Variants in EIF3A observed in about 807,000 individuals in gnomAD.
EIF3A encodes the protein eukaryotic translation initiation factor 3 subunit A.
Under a neutral mutation model 186.6 loss-of-function variants are expected in EIF3A, and 21 were observed. The observed-to-expected ratio is 0.11, with a 90% CI of 0.08 to 0.16. The LOEUF is 0.16. Among genes scored for constraint, EIF3A ranks in the 10% least tolerant of loss-of-function variants. The pLI, the probability that EIF3A is intolerant of heterozygous loss-of-function variation, is 1.00. For synonymous variants in EIF3A, 563 were observed against 584.3 expected (o/e 0.96, Z 0.52); for missense variants, 1,306 against 1,796.3 (o/e 0.73, Z 4.93).
chr10:119,049,461 T>C (rs1848325757), intron 17 of EIF3A, among the ~76,000 whole-genome samples: 1 of 126,644 alleles, frequency 7.9e-6, no homozygotes, highest in African/African-American at 3.1e-5. Flanking sequence ...ACCACTGCAC[T>C]CCAGCCTGGG....
intron 7 of EIF3A, among the ~76,000 whole-genome samples, chr10:119,064,541 GCTC>G (rs537351019): frequency 3.3e-5 from 5 of 152,204 alleles, no homozygotes; most frequent in South Asian, 2.1e-4. Flanking sequence ...TCTTCCTCCT[GCTC>G]CAGCCGTATA....
At chr10:119,057,496 C>T (rs1843800160) in intron 12 of EIF3A, among the ~76,000 whole-genome samples, 1 of 152,154 alleles carries the variant, frequency 6.6e-6, no homozygotes, top group African/African-American at 2.4e-5. Flanking sequence ...TGAAACAGGT[C>T]ATGTGTGGTG....
rs373036457 is a variant in EIF3A at position 119,042,008 on chromosome 10, G to C, written c.3512C>G (p.Pro1171Arg). The C allele has an allele frequency of 3.1e-6, 5 of 1,613,940 alleles. No homozygotes were observed. The highest frequency in any genetic ancestry group is 4.2e-6 in the Non-Finnish European group (5 of 1,179,962). ...TAGAATTTTACCTGGCTTGACTAAT[G>C]GTCTCCAAGGACCAGGTCTTGAGTC... is the stretch of plus-strand genomic sequence containing the variant. ...GDDSRPGPWR[P>R]LVKPGGWREK... is the part of the protein sequence containing the mutation. The change falls in exon 19 of 22, where the codon CCA becomes CGA. Residue 1171 changes from proline (P) to arginine (R), a missense_variant. Pro to Arg is a moderately radical substitution (Grantham distance 103). Coordinates refer to ENST00000369144, the MANE Select transcript of EIF3A (RefSeq NM_003750.4). The surrounding 1 kb of genome is among the most constrained non-coding windows in gnomAD (Gnocchi z 7.8).
intron 21 of EIF3A, 60 bp downstream of exon 21, chr10:119,037,059 A>AACC (rs1848138713): frequency 3.0e-6 from 2 of 664,360 alleles, no homozygotes; most frequent in African/African-American, 4.9e-5. Context: ...AATAACCCAA[A>AACC]TCCCCCCCCC....
intron 3 of EIF3A, 55 bp downstream of exon 3, chr10:119,073,386 A>C: frequency 7.3e-7 from 1 of 1,366,218 alleles, no homozygotes; most frequent in East Asian, 2.3e-5. Context: ...GACCCATGTA[A>C]AAGAAAACAC....
rs59413780 is a variant in EIF3A at position 119,068,971 on chromosome 10, CAA to C, written c.950+473_950+474del. Reference sequence around the variant, plus strand: ...CTGGGCAACAAAAGACTCTGTCTTGCAAAAAAAAAAAAAAAAAAAGAAAAGGA... The same window carrying C: ...CTGGGCAACAAAAGACTCTGTCTTGCAAAAAAAAAAAAAAAAAGAAAAGGA... On this transcript the variant is annotated intron_variant, in intron 6 of 21. Coordinates refer to ENST00000369144, the MANE Select transcript of EIF3A (RefSeq NM_003750.4). Among the ~76,000 whole-genome samples, 192 of 98,978 alleles carry C rather than the reference CAA, an allele frequency of 1.9e-3. 2 individuals carry two copies. Among genetic ancestry groups the C allele is most frequent in the East Asian group, 0.01 (44 of 4,382 alleles). 64.9% of individuals were successfully genotyped at this position (98,978 alleles called of 152,430 possible). A position where few individuals can be genotyped will look rare whatever the true frequency, so the allele number is the denominator to read the frequency against.
At chr10:119,038,849 T>C (rs150458188) in intron 19 of EIF3A, among the ~76,000 whole-genome samples, 11 of 152,158 alleles carry the variant, frequency 7.2e-5, no homozygotes, top group Middle Eastern at 3.4e-3. Context: ...TGCTTGAACC[T>C]GGGAGGCAGA....
At chr10:119,074,476 A>T (rs76662730) in intron 1 of EIF3A, among the ~76,000 whole-genome samples, 831 of 3,718 alleles carry the variant, frequency 0.22, 13 homozygotes, top group Admixed American at 0.42. Flanking sequence ...TCAAAAAAAA[A>T]AAATAAAATA....
Position 119,050,593 on chromosome 10 carries a change from C to G in EIF3A, c.2401G>C (p.Glu801Gln), listed in dbSNP as rs1848344265. Reference sequence around the variant, plus strand: ...TCTCTATAGTATGTTATCCTGCGTTCTTCTTTACGCTGCCTTTTCCGTTCT... The same window carrying G: ...TCTCTATAGTATGTTATCCTGCGTTGTTCTTTACGCTGCCTTTTCCGTTCT... ...LEERKRQRKEERRITYYREKE... is the reference protein window; with the variant it reads ...LEERKRQRKEQRRITYYREKE... Residue 801 changes from glutamate to glutamine, a missense_variant, in exon 16 of 22, where the codon GAA becomes CAA. By Grantham distance (29) the Glu-to-Gln change is conservative. Transcript: ENST00000369144. 2.5e-6 allele frequency: 4 copies of G among 1,614,062 alleles called. No homozygotes were observed. Among genetic ancestry groups the G allele is most frequent in the East Asian group, 2.2e-5 (1 of 44,882 alleles).
At chr10:119,036,417 A>G in intron 21 of EIF3A, 149 bp from the exon 22 acceptor site, 2 of 602,364 alleles carry the variant, frequency 3.3e-6, no homozygotes, top group Non-Finnish European at 5.8e-6. Context: ...TTAAATACAG[A>G]AATCATAATG....
At chr10:119,045,080 GACT>G (rs1229455716) in intron 17 of EIF3A, among the ~76,000 whole-genome samples, 1 of 151,684 alleles carries the variant, frequency 6.6e-6, no homozygotes, top group Non-Finnish European at 1.5e-5. Flanking sequence ...AGGTAGCTAG[GACT>G]ACAAGCGCCT....
chr10:119,040,390 A>C (rs1260583877), intron 19 of EIF3A, among the ~76,000 whole-genome samples: 1 of 152,222 alleles, frequency 6.6e-6, no homozygotes, highest in African/African-American at 2.4e-5. Context: ...TAGCTCAGAC[A>C]GTTAGATGGA....
At chr10:119,064,170 G>A (rs1296522126) in intron 7 of EIF3A, among the ~76,000 whole-genome samples, 1 of 152,150 alleles carries the variant, frequency 6.6e-6, no homozygotes, top group Admixed American at 6.5e-5. Context: ...ATTTTAAAAA[G>A]TATTTCACAT....
chr10:119,044,203 G>A, intron 17 of EIF3A, 61 bp from the exon 18 acceptor site: 2 of 1,043,972 alleles, frequency 1.9e-6, no homozygotes, highest in South Asian at 1.3e-5. Flanking sequence ...TACAACTACT[G>A]GTATTACCAT....
In EIF3A at chr10:119,042,007, T is replaced by C. The variant is rs142354510; in HGVS notation, c.3513A>G (p.Pro1171=). 556 of 1,614,114 alleles carry C rather than the reference T, an allele frequency of 3.4e-4. 2 individuals carry two copies. The African/African-American group carries it at 6.6e-3, about 19-fold the overall frequency. The change falls in exon 19 of 22, where the codon CCA becomes CCG. Residue 1171 remains proline, a synonymous_variant. Transcript: ENST00000369144. The surrounding 1 kb of genome is among the most constrained non-coding windows in gnomAD (Gnocchi z 7.8). ...GDDSRPGPWR[P]LVKPGGWREK... ...ATAGAATTTTACCTGGCTTGACTAATGGTCTCCAAGGACCAGGTCTTGAGT... is the reference window on the plus strand; with the variant it reads ...ATAGAATTTTACCTGGCTTGACTAACGGTCTCCAAGGACCAGGTCTTGAGT...
At position 119,067,571 on chromosome 10, in the gene EIF3A, G is replaced by T. The variant is rs192571258; in HGVS notation, c.950+1875C>A. On this transcript the variant is annotated intron_variant, in intron 6 of 21. Transcript: ENST00000369144. Reference sequence around the variant, plus strand: ...AACACACTACTACACTCCATCTGGAGCAAGGAAGCAAGACCCTATGAGAAA... The same window carrying T: ...AACACACTACTACACTCCATCTGGATCAAGGAAGCAAGACCCTATGAGAAA... Among the ~76,000 whole-genome samples the T allele has an allele frequency of 1.2e-4, 19 of 152,246 alleles. No homozygotes were observed. In the East Asian group the frequency reaches 3.5e-3, roughly 28 times the overall value.
intron 5 of EIF3A, 80 bp downstream of exon 5, chr10:119,070,806 G>C: frequency 2.0e-6 from 2 of 975,936 alleles, no homozygotes; most frequent in South Asian, 2.7e-5. Context: ...TGCATACCAA[G>C]ATGAAGCTAT....
At chr10:119,045,843 A>T (rs1848275778) in intron 17 of EIF3A, among the ~76,000 whole-genome samples, 1 of 152,218 alleles carries the variant, frequency 6.6e-6, no homozygotes, top group African/African-American at 2.4e-5. Context: ...CTGAGATTAT[A>T]GGCGTGAACC....
intron 8 of EIF3A, 144 bp downstream of exon 8, chr10:119,061,080 G>C: frequency 1.8e-6 from 1 of 563,532 alleles, no homozygotes. Context: ...CTTTTCTCTT[G>C]AAATAAAGAA....
Sources: allele counts gnomAD v4.1 joint callset (sites outside exome capture counted in the v4.1 genomes callset), GRCh38; gene constraint gnomAD v4.1.1; non-coding constraint Gnocchi (gnomAD v3.1); transcripts MANE v1.5; gene names NCBI Gene and HGNC (gene_info 2026-07-23, HGNC 2026-07-21).